The following MROH2B variants were observed in gnomAD, a reference collection of about 807,000 sequenced individuals.
The protein encoded by MROH2B is maestro heat-like repeat-containing protein family member 2B.
MROH2B carries 177 observed loss-of-function variants against 208.6 expected under a neutral mutation model. The ratio of observed to expected loss-of-function variants is 0.85; its 90% CI spans 0.75 to 0.96. MROH2B has a LOEUF of 0.96. Among genes scored for constraint, MROH2B ranks in the 40% least tolerant of loss-of-function variants. The pLI is 0.00. For synonymous variants in MROH2B, 728 were observed against 659.0 expected (o/e 1.10, Z -1.60); for missense variants, 2,002 against 1,878.7 (o/e 1.07, Z -1.21).
intron 35 of MROH2B, 99 bp downstream of exon 35, chr5:41,005,432 T>C: frequency 5.4e-6 from 1 of 185,404 alleles, no homozygotes; most frequent in Admixed American, 7.1e-5. Context: ...CCCCTTGAAG[T>C]CTCTCTTCCC....
At position 41,061,630 on chromosome 5, in the gene MROH2B, C is replaced by T; in HGVS notation, c.555G>A (p.Lys185=). 1 of 1,613,942 alleles carries T rather than the reference C, an allele frequency of 6.2e-7. No individual in the cohort carries two copies. The highest frequency in any genetic ancestry group is 8.5e-7 in the Non-Finnish European group (1 of 1,179,848). ...PRLDANRLSD[K]IFMLFWYIME... is the part of the protein sequence containing the mutation. ...TTATATACCAGAACAGCATGAAGATCTTGTCAGACAGTCGGTTGGCATCCA... is the reference window on the plus strand; with the variant it reads ...TTATATACCAGAACAGCATGAAGATTTTGTCAGACAGTCGGTTGGCATCCA... The change falls in exon 6 of 42, where the codon AAG becomes AAA. Residue 185 remains lysine (K), a synonymous_variant. Coordinates refer to ENST00000399564, the MANE Select transcript of MROH2B (RefSeq NM_173489.5).
chr5:41,066,072 A>G (rs892588443), intron 3 of MROH2B, among the ~76,000 whole-genome samples: 1 of 152,154 alleles, frequency 6.6e-6, no homozygotes, highest in African/African-American at 2.4e-5. Flanking sequence ...TACCATGAAC[A>G]CAAGACTTAC....
chr5:41,047,261 G>A lies in MROH2B; in HGVS notation c.1728+460C>T, dbSNP rs1974848. Among the ~76,000 whole-genome samples, 737 of 152,150 alleles carry A rather than the reference G, an allele frequency of 4.8e-3. 8 individuals are homozygous for A. Among genetic ancestry groups the A allele is most frequent in the African/African-American group, 0.015 (632 of 41,516 alleles). On this transcript the variant is annotated intron_variant, in intron 17 of 41. Coordinates refer to ENST00000399564, the MANE Select transcript of MROH2B (RefSeq NM_173489.5). ...AGTTTATGGGTGAGAGAGGAAATTC[G>A]TTTTTGGAAATGGATAAAATGTGGC...
At chr5:41,036,133 C>A (rs200153308) in intron 21 of MROH2B, among the ~76,000 whole-genome samples, 1 of 148,908 alleles carries the variant, frequency 6.7e-6, no homozygotes, top group Admixed American at 6.6e-5. Context: ...TATATATACA[C>A]ACACACACAC....
chr5:41,045,646 TCC>T, intron 18 of MROH2B, 98 bp downstream of exon 18: 1 of 824,888 alleles, frequency 1.2e-6, no homozygotes, highest in Non-Finnish European at 2.0e-6. Flanking sequence ...TTTTAAATGT[TCC>T]TCCCTCCCTT....
Position 41,055,792 on chromosome 5 carries a change from G to A in MROH2B, c.983C>T (p.Ala328Val), listed in dbSNP as rs1487825966. ...CAAAGTCAAGATTCCCACTCGAATG[G>A]CTTCATTATTACTTCTTACTTGTTC... ...FDEQVRSNNE[A>V]IRVGILTLLR... is the part of the protein sequence containing the mutation. The change falls in exon 10 of 42, where the codon GCC (alanine) becomes GTC (valine). Residue 328 changes from alanine to valine, a missense_variant. Coordinates refer to ENST00000399564, the MANE Select transcript of MROH2B (RefSeq NM_173489.5). The A allele has an allele frequency of 6.2e-7, 1 of 1,613,702 alleles. No homozygotes were observed. The highest frequency in any genetic ancestry group is 2.2e-5 in the East Asian group (1 of 44,876).
chr5:41,025,703 G>A (rs1742331013), intron 24 of MROH2B, among the ~76,000 whole-genome samples: 2 of 152,116 alleles, frequency 1.3e-5, no homozygotes, highest in South Asian at 4.1e-4. Flanking sequence ...GCATCATCCT[G>A]ATACCAAAGC....
chr5:41,043,915 C>G (rs190442765), intron 18 of MROH2B, among the ~76,000 whole-genome samples: 73 of 151,982 alleles, frequency 4.8e-4, no homozygotes, highest in Non-Finnish European at 9.3e-4. Context: ...TATGAGAGAA[C>G]AAGAACAACA....
In MROH2B at chr5:41,015,495, G is replaced by C; in HGVS notation, c.2885-17C>G. ...AGTGAATGCCTAAAATCAACAAAGTGAGAAATGTTTAAGTGTTCAAAGACC... is the reference window on the plus strand; with the variant it reads ...AGTGAATGCCTAAAATCAACAAAGTCAGAAATGTTTAAGTGTTCAAAGACC... On this transcript the variant is annotated splice_polypyrimidine_tract_variant and intron_variant, in intron 28 of 41. Coordinates refer to ENST00000399564, the MANE Select transcript of MROH2B (RefSeq NM_173489.5). 6.2e-7 allele frequency: 1 copy of C among 1,611,460 alleles called. No individual in the cohort carries two copies. Among genetic ancestry groups the C allele is most frequent in the East Asian group, 2.2e-5 (1 of 44,858 alleles).
At chr5:41,006,624 G>T (rs921300355) in intron 34 of MROH2B, among the ~76,000 whole-genome samples, 17 of 152,112 alleles carry the variant, frequency 1.1e-4, no homozygotes, top group African/African-American at 3.9e-4. Context: ...AGAAAATGTG[G>T]TATATATATA....
At chr5:41,008,069 T>C (rs1741651877) in intron 33 of MROH2B, among the ~76,000 whole-genome samples, 1 of 152,194 alleles carries the variant, frequency 6.6e-6, no homozygotes. Flanking sequence ...AACAGAATGA[T>C]GGGATATGAA....
chr5:41,055,480 C>T (rs1743418371), intron 10 of MROH2B, among the ~76,000 whole-genome samples: 2 of 124,688 alleles, frequency 1.6e-5, no homozygotes, highest in South Asian at 5.7e-4. Flanking sequence ...ACAAGAGCTT[C>T]TAAATTCGAA....
At chr5:41,060,167 T>C (rs1004188550) in intron 6 of MROH2B, among the ~76,000 whole-genome samples, 19 of 152,324 alleles carry the variant, frequency 1.2e-4, no homozygotes, top group African/African-American at 4.6e-4. Flanking sequence ...ATTCTATTCT[T>C]CAGCATCTGA....
chr5:41,031,618 C>G (rs325826), intron 24 of MROH2B, among the ~76,000 whole-genome samples: 116,492 of 151,900 alleles, frequency 0.77, 45,014 homozygotes, highest in Non-Finnish European at 0.82. Flanking sequence ...TAGGTTCAGA[C>G]GGTACATGTG....
intron 24 of MROH2B, among the ~76,000 whole-genome samples, chr5:41,023,539 A>C (rs7719082): frequency 0.16 from 24,574 of 152,204 alleles, 2,091 homozygotes; most frequent in East Asian, 0.26. Flanking sequence ...ATATGGGACT[A>C]TGTGAAAAGA....
chr5:41,023,206 A>C (rs1742220994), intron 24 of MROH2B, among the ~76,000 whole-genome samples: 1 of 152,198 alleles, frequency 6.6e-6, no homozygotes, highest in South Asian at 2.1e-4. Context: ...GACTTTGATG[A>C]GTTGAGAGAA....
rs1199010949 is a variant in MROH2B at position 41,038,878 on chromosome 5, G to GA, written c.2071dup (p.Ser691PhefsTer32). The GA allele has an allele frequency of 1.2e-5, 20 of 1,601,238 alleles. No individual in the cohort carries two copies. The highest frequency in any genetic ancestry group is 1.7e-5 in the Non-Finnish European group (20 of 1,175,328). ...TGTCTTGGTCAGGCTCTTTTTCCCAGAAAAAAGGCTCTGAAGACCAGGAAA... is the reference window on the plus strand; with the variant it reads ...TGTCTTGGTCAGGCTCTTTTTCCCAGAAAAAAAGGCTCTGAAGACCAGGAAA... On this transcript the variant is annotated frameshift_variant, in exon 21 of 42. Coordinates refer to ENST00000399564, the MANE Select transcript of MROH2B (RefSeq NM_173489.5). LOFTEE classifies it high-confidence loss of function.
intron 33 of MROH2B, among the ~76,000 whole-genome samples, chr5:41,008,226 A>G (rs1741656072): frequency 6.6e-6 from 1 of 152,206 alleles, no homozygotes; most frequent in Admixed American, 6.5e-5. Flanking sequence ...GCTTTTTTTC[A>G]ATTGCTGAAG....
chr5:41,067,805 A>G (rs961451304), intron 2 of MROH2B, among the ~76,000 whole-genome samples: 8 of 152,362 alleles, frequency 5.3e-5, no homozygotes, highest in African/African-American at 1.9e-4. Context: ...GCTACCTGCC[A>G]TTCCATGTCT....
Sources: allele counts gnomAD v4.1 joint callset (sites outside exome capture counted in the v4.1 genomes callset), GRCh38; gene constraint gnomAD v4.1.1; transcripts MANE v1.5; gene names NCBI Gene and HGNC (gene_info 2026-07-23, HGNC 2026-07-21).